The following ALLC variants were observed in gnomAD, a reference collection of about 807,000 sequenced individuals.
ALLC encodes the protein allantoicase.
In ALLC, 40 loss-of-function variants were observed where a neutral mutation model predicts 45.0. The observed-to-expected ratio is 0.89, with a 90% CI of 0.69 to 1.16. ALLC has a LOEUF of 1.16. Among genes scored for constraint, ALLC ranks in the 50% most tolerant of loss-of-function variants. The pLI is 0.00. For synonymous variants in ALLC, 176 were observed against 178.1 expected, an observed-to-expected ratio of 0.99 and a Z score of 0.09; for missense variants, 488 against 493.1, an observed-to-expected ratio of 0.99 and a Z score of 0.10.
At chr2:3,692,209 C>A (rs564703482) in intron 7 of ALLC, among the ~76,000 whole-genome samples, 12 of 152,014 alleles carry the variant, frequency 7.9e-5, no homozygotes, top group Admixed American at 1.3e-4. Context: ...GTTATTTATT[C>A]CAGTCTTTTC....
intron 2 of ALLC, among the ~76,000 whole-genome samples, chr2:3,671,757 A>G (rs1167955994): frequency 6.9e-6 from 1 of 145,936 alleles, no homozygotes; most frequent in Non-Finnish European, 1.5e-5. Flanking sequence ...CTCTGGTTAG[A>G]TCGGAGGTCC....
chr2:3,701,417 C>T, intron 10 of ALLC, 95 bp from the exon 11 acceptor site: 4 of 1,390,042 alleles, frequency 2.9e-6, no homozygotes, highest in South Asian at 3.3e-5. Context: ...TTGTTTTTTG[C>T]TGGGTTTTTG....
At chr2:3,652,184 A>G in the ALLC span, among the ~76,000 whole-genome samples, 1 of 152,218 alleles carries the variant, frequency 6.6e-6, no homozygotes, top group African/African-American at 2.4e-5. Context: ...CACGACCTGC[A>G]AGGGCCCCTC....
the ALLC span, among the ~76,000 whole-genome samples, chr2:3,649,607 T>C: frequency 6.6e-6 from 1 of 152,246 alleles, no homozygotes. Context: ...GAAAGATTAA[T>C]AGAAATAAGA....
At chr2:3,663,723 G>A (rs1666630194) in intron 1 of ALLC, among the ~76,000 whole-genome samples, 1 of 152,144 alleles carries the variant, frequency 6.6e-6, no homozygotes, top group Admixed American at 6.5e-5. Context: ...AAATTTCTAA[G>A]ATCACTACTA....
chr2:3,688,229 T>A (rs1176201759), intron 7 of ALLC: 1 of 170,630 alleles, frequency 5.9e-6, no homozygotes, highest in Non-Finnish European at 1.2e-5. Flanking sequence ...TGGTGTCATA[T>A]TTGTCAAGTT....
At chr2:3,651,585 C>T in the ALLC span, among the ~76,000 whole-genome samples, 2 of 151,882 alleles carry the variant, frequency 1.3e-5, no homozygotes, top group African/African-American at 4.8e-5. Context: ...CACGTTGTGT[C>T]CCTGCGGTGA....
chr2:3,659,373 C>T (rs369295374), intron 1 of ALLC, among the ~76,000 whole-genome samples: 36 of 152,296 alleles, frequency 2.4e-4, no homozygotes, highest in African/African-American at 7.7e-4. Context: ...ATCGCCTTGC[C>T]GTAACCCATG....
chr2:3,679,732 C>G, intron 4 of ALLC, 137 bp from the exon 5 acceptor site: 2 of 1,171,872 alleles, frequency 1.7e-6, no homozygotes, highest in Non-Finnish European at 2.5e-6. Flanking sequence ...TAGCTAAGAA[C>G]CGCCCTGAAC....
chr2:3,697,668 T>TATCTATCTA (rs749943343), intron 10 of ALLC, among the ~76,000 whole-genome samples: 1 of 150,640 alleles, frequency 6.6e-6, no homozygotes, highest in South Asian at 2.1e-4. Flanking sequence ...TCTATCTATC[T>TATCTATCTA]TTTATTTATT....
chr2:3,682,693 T>G (rs539495217), intron 6 of ALLC, among the ~76,000 whole-genome samples: 4 of 152,072 alleles, frequency 2.6e-5, no homozygotes, highest in African/African-American at 7.2e-5. Context: ...GCCCGGCTAA[T>G]TTTTTGTATT....
chr2:3,652,914 T>G, the ALLC span, among the ~76,000 whole-genome samples: 35 of 152,166 alleles, frequency 2.3e-4, no homozygotes, highest in Non-Finnish European at 3.8e-4. Flanking sequence ...TAACCATCCA[T>G]TTAACCATTA....
rs370425329 is a variant in ALLC at position 3,701,716 on chromosome 2, G to A, written c.975+80G>A. The A allele has an allele frequency of 1.2e-5, 17 of 1,448,680 alleles. No homozygotes were observed. In the East Asian group the frequency reaches 1.2e-4, roughly 10 times the overall value. The allele number at this position is 1,448,680 out of a possible 1,614,324, so 89.7% of individuals were successfully genotyped here. On this transcript the variant is annotated intron_variant, in intron 11 of 11. Transcript: ENST00000252505. ...ATTCTCTTTTGAAGGATTAGGATAC[G>A]CTCCAAAGTTTCTGCTCAGTTTAAT...
In ALLC at chr2:3,671,140, CTGGACTTCACCCAGCTGA is replaced by C. The variant is rs1666857753; in HGVS notation, c.-12_6del. 6.2e-7 allele frequency: 1 copy of C among 1,610,070 alleles called. No homozygotes were observed. The highest frequency in any genetic ancestry group is 8.5e-7 in the Non-Finnish European group (1 of 1,178,316). ...GAAGGAGGGAAGACTGACCCGGTTT[CTGGACTTCACCCAGCTGA>C]TGGACATGGCATCTGAATCCGTAGG... On this transcript the variant is annotated start_lost and 5_prime_UTR_variant, in exon 2 of 12. Transcript: ENST00000252505.
chr2:3,649,168 C>A, the ALLC span, among the ~76,000 whole-genome samples: 1 of 151,906 alleles, frequency 6.6e-6, no homozygotes, highest in Non-Finnish European at 1.5e-5. Flanking sequence ...CGTTAATGAG[C>A]AAGACTGAAG....
chr2:3,692,411 T>C (rs1013658087), intron 7 of ALLC, among the ~76,000 whole-genome samples: 3 of 152,204 alleles, frequency 2.0e-5, no homozygotes, highest in Non-Finnish European at 4.4e-5. Flanking sequence ...TAAGAAAGTT[T>C]ATGGATTTGT....
chr2:3,693,649 A>G (rs915558657), intron 7 of ALLC, among the ~76,000 whole-genome samples: 4 of 152,360 alleles, frequency 2.6e-5, no homozygotes, highest in Admixed American at 2.6e-4. Flanking sequence ...GGAACACAGG[A>G]GAAGCTCCAT....
chr2:3,662,378 C>T (rs778532307), intron 1 of ALLC, among the ~76,000 whole-genome samples: 5 of 152,290 alleles, frequency 3.3e-5, no homozygotes, highest in South Asian at 2.1e-4. Context: ...TCCAAGGCCC[C>T]GCAGGCAGTT....
intron 1 of ALLC, among the ~76,000 whole-genome samples, chr2:3,669,790 C>T (rs1172514438): frequency 6.6e-6 from 1 of 152,134 alleles, no homozygotes; most frequent in Non-Finnish European, 1.5e-5. Flanking sequence ...GATGGGGCTG[C>T]TCCTCCCGGA....
Sources: gnomAD v4.1 joint callset for allele counts (sites outside exome capture counted in the v4.1 genomes callset) on GRCh38, gnomAD v4.1.1 for gene constraint, MANE v1.5 for transcripts, NCBI Gene and HGNC (gene_info 2026-07-23, HGNC 2026-07-21) for gene names.